Variants in TRPC5 observed in about 807,000 individuals in gnomAD.
The protein encoded by TRPC5 is transient receptor potential cation channel subfamily C member 5, also known as short transient receptor potential channel 5.
In TRPC5, 9 loss-of-function variants were observed where a neutral mutation model predicts 56.5. The observed-to-expected ratio is 0.16, with a 90% CI of 0.10 to 0.28. The LOEUF (loss-of-function observed/expected upper bound fraction) is 0.28, where lower values mean the gene tolerates loss of function less well. TRPC5 is among the 10% of genes least tolerant of loss of function. The pLI is 1.00. For missense variants in TRPC5, 469 were observed against 748.9 expected (o/e 0.63, Z 4.36); for synonymous variants, 282 against 278.5 (o/e 1.01, Z -0.13).
At chrX:111,835,167 AAG>A (rs1922527023) in intron 6 of TRPC5, 51 bp from the exon 7 acceptor site, 1 of 1,040,273 alleles carries the variant, frequency 9.6e-7, no homozygotes, top group African/African-American at 1.9e-5. Flanking sequence ...AGAGCAAGAA[AAG>A]AGAGAGAAAA....
In TRPC5 at chrX:111,775,730, G is replaced by A. The variant is rs959216120; in HGVS notation, c.*583C>T. On this transcript the variant is annotated 3_prime_UTR_variant, in exon 11 of 11. Coordinates refer to ENST00000262839, the MANE Select transcript of TRPC5 (RefSeq NM_012471.3). ...ATAAGAAGTTGTAGTATTTAAGAACGAAACAAGCCACTTATACCCAGAAAC... is the reference window on the plus strand; with the variant it reads ...ATAAGAAGTTGTAGTATTTAAGAACAAAACAAGCCACTTATACCCAGAAAC... 1 of 112,309 alleles carries A rather than the reference G, an allele frequency of 8.9e-6. No homozygotes were observed. The highest frequency in any genetic ancestry group is 2.8e-4 in the East Asian group (1 of 3,589). 9.3% of individuals were successfully genotyped at this position (112,309 alleles called of 1,213,427 possible).
intron 2 of TRPC5, among the ~76,000 whole-genome samples, chrX:111,940,546 C>T (rs1443497371): frequency 9.2e-6 from 1 of 109,172 alleles, no homozygotes; most frequent in South Asian, 4.1e-4. Flanking sequence ...AAAAAATTAG[C>T]CGGGTGTGGT....
intron 5 of TRPC5, among the ~76,000 whole-genome samples, chrX:111,849,210 A>G (rs904549840): frequency 8.9e-6 from 1 of 112,350 alleles, no homozygotes; most frequent in Admixed American, 9.5e-5. Context: ...TCTGTTGCCC[A>G]TGGGATGGTG....
At chrX:112,041,672 T>C (rs772000600) in intron 1 of TRPC5, among the ~76,000 whole-genome samples, 38 of 111,972 alleles carry the variant, frequency 3.4e-4, no homozygotes, top group African/African-American at 1.1e-3. Flanking sequence ...CCTGGTGACC[T>C]TGAAGATCCT....
At chrX:111,905,647 G>A (rs1001754522) in intron 3 of TRPC5, among the ~76,000 whole-genome samples, 1 of 111,828 alleles carries the variant, frequency 8.9e-6, no homozygotes, top group African/African-American at 3.3e-5. Context: ...GGACGCGGTG[G>A]CTCACGCCTG....
chrX:112,042,124 A>G (rs779828798), intron 1 of TRPC5, among the ~76,000 whole-genome samples: 19 of 111,722 alleles, frequency 1.7e-4, no homozygotes, highest in Non-Finnish European at 2.6e-4. Flanking sequence ...TGTGCAGCCT[A>G]TGACGAGACT....
chrX:112,030,800 A>G (rs16986742), intron 1 of TRPC5, among the ~76,000 whole-genome samples: 22,873 of 111,208 alleles, frequency 0.21, 2,474 homozygotes, highest in African/African-American at 0.41. Flanking sequence ...TTTTTGCAAG[A>G]GAGGTGGAGT....
At chrX:111,780,121 C>T (rs1337252388) in intron 9 of TRPC5, among the ~76,000 whole-genome samples, 1 of 111,276 alleles carries the variant, frequency 9.0e-6, no homozygotes, top group African/African-American at 3.3e-5. Context: ...CCTTCAAACG[C>T]TGTAGAACAT....
chrX:112,070,691 A>C (rs1308173296), intron 1 of TRPC5, among the ~76,000 whole-genome samples: 1 of 109,879 alleles, frequency 9.1e-6, no homozygotes, highest in Admixed American at 9.7e-5. Context: ...TAGATTCTCA[A>C]TCTTCATTCA....
At chrX:111,843,610 G>T (rs951574906) in intron 6 of TRPC5, among the ~76,000 whole-genome samples, 1 of 111,589 alleles carries the variant, frequency 9.0e-6, no homozygotes, top group Non-Finnish European at 1.9e-5. Flanking sequence ...AGCAGTAAAA[G>T]ACTGGAGAGG....
intron 6 of TRPC5, among the ~76,000 whole-genome samples, chrX:111,841,402 G>A (rs1047936078): frequency 3.6e-5 from 4 of 111,628 alleles, no homozygotes; most frequent in Non-Finnish European, 5.6e-5. Flanking sequence ...TCCTGTCTTT[G>A]CTACTTACCA....
intron 7 of TRPC5, among the ~76,000 whole-genome samples, chrX:111,808,270 G>T (rs967781709): frequency 1.8e-5 from 2 of 110,794 alleles, no homozygotes; most frequent in East Asian, 5.7e-4. Context: ...AGGAGCCAGG[G>T]CCTACAGTCA....
In TRPC5 at chrX:111,936,600, T is replaced by C. The variant is rs751350240; in HGVS notation, c.378+15443A>G. ...ATGAGTGAGAATATGCGGTGTTTGGTTTTTTGTTCTTGCGATAGTTTACTG... is the reference window on the plus strand; with the variant it reads ...ATGAGTGAGAATATGCGGTGTTTGGCTTTTTGTTCTTGCGATAGTTTACTG... On this transcript the variant is annotated intron_variant, in intron 2 of 10. Coordinates refer to ENST00000262839, the MANE Select transcript of TRPC5 (RefSeq NM_012471.3). 2.9e-5 allele frequency among the ~76,000 whole-genome samples: 3 copies of C among 104,033 alleles called. No homozygotes were observed. The East Asian group carries it at 9.0e-4, about 31-fold the overall frequency. 90.3% of individuals were successfully genotyped at this position (104,033 alleles called of 115,157 possible). A position where few individuals can be genotyped will look rare whatever the true frequency, so the allele number is the denominator to read the frequency against.
At chrX:111,802,812 A>G (rs1405601481) in intron 7 of TRPC5, among the ~76,000 whole-genome samples, 1 of 111,999 alleles carries the variant, frequency 8.9e-6, no homozygotes, top group African/African-American at 3.2e-5. Context: ...TGACAAACTC[A>G]TAGCAAGCCT....
At chrX:111,951,931 C>T in intron 2 of TRPC5, 112 bp downstream of exon 2, 1 of 1,068,971 alleles carries the variant, frequency 9.4e-7, no homozygotes, top group Non-Finnish European at 1.2e-6. Context: ...GGTGCAATTT[C>T]TGAGATAGGG....
At chrX:111,879,439 A>T (rs1261761749) in intron 3 of TRPC5, among the ~76,000 whole-genome samples, 1 of 112,230 alleles carries the variant, frequency 8.9e-6, no homozygotes. Flanking sequence ...GAGAATAAGT[A>T]AAATCCCTGA....
chrX:111,996,347 G>A, intron 1 of TRPC5, among the ~76,000 whole-genome samples: 1 of 112,346 alleles, frequency 8.9e-6, no homozygotes, highest in Middle Eastern at 4.6e-3. Flanking sequence ...TGGTCTGAGA[G>A]ACAGTTTGTT....
At chrX:112,062,654 A>G (rs945688649) in intron 1 of TRPC5, among the ~76,000 whole-genome samples, 8 of 112,235 alleles carry the variant, frequency 7.1e-5, no homozygotes, top group African/African-American at 2.3e-4. Context: ...TTGTGTTGGG[A>G]GACACTGCAA....
chrX:111,889,776 G>A (rs1472175730), intron 3 of TRPC5, among the ~76,000 whole-genome samples: 1 of 111,754 alleles, frequency 8.9e-6, no homozygotes, highest in Non-Finnish European at 1.9e-5. Flanking sequence ...ATCTATCTCA[G>A]AGGTAAAAAT....
Sources: gnomAD v4.1 joint callset for allele counts (sites outside exome capture counted in the v4.1 genomes callset) on GRCh38, gnomAD v4.1.1 for gene constraint, MANE v1.5 for transcripts, NCBI Gene and HGNC (gene_info 2026-07-23, HGNC 2026-07-21) for gene names.